WSB1: variants seen among roughly 807,000 people sequenced by gnomAD.
WSB1 encodes WD repeat and SOCS box-containing protein 1.
WSB1 carries 23 observed loss-of-function variants against 50.2 expected under a neutral mutation model. The ratio of observed to expected loss-of-function variants is 0.46; its 90% CI spans 0.33 to 0.65. WSB1 has a LOEUF of 0.65. Ranked by LOEUF, WSB1 falls within the 30% of genes least tolerant of loss-of-function variation. The pLI is 0.02. For missense variants in WSB1, 492 were observed against 522.3 expected (o/e 0.94, Z 0.56); for synonymous variants, 179 against 172.0 (o/e 1.04, Z -0.32).
chr17:27,298,025 G>A (rs2017057378), intron 1 of WSB1, among the ~76,000 whole-genome samples: 1 of 151,122 alleles, frequency 6.6e-6, no homozygotes, highest in South Asian at 2.1e-4. Flanking sequence ...TCGGGAGGCT[G>A]AGGCAGGGAG....
At chr17:27,307,449 G>A in intron 5 of WSB1, 1 of 444,736 alleles carries the variant, frequency 2.2e-6, no homozygotes, top group Non-Finnish European at 4.0e-6. Context: ...TTGTTTACCA[G>A]CTCTGTTAGT....
Position 27,294,206 on chromosome 17 carries a change from T to C in WSB1, c.-190T>C. On this transcript the variant is annotated 5_prime_UTR_variant, in exon 1 of 9. Transcript: ENST00000262394. ...GGTCTATTGTCTGTGGTTGACTCCG[T>C]ACTTTGGTCTGAGGCCTTCGGGAGC... 4.8e-6 allele frequency: 3 copies of C among 628,188 alleles called. No homozygotes were observed. Among genetic ancestry groups the C allele is most frequent in the Non-Finnish European group, 5.4e-6 (2 of 368,396 alleles). 38.9% of individuals were successfully genotyped at this position (628,188 alleles called of 1,614,324 possible). A position where few individuals can be genotyped will look rare whatever the true frequency, so the allele number is the denominator to read the frequency against.
At position 27,302,144 on chromosome 17, in the gene WSB1, C is replaced by G. The variant is rs1370603886; in HGVS notation, c.209+188C>G. The G allele has an allele frequency of 5.6e-6, 4 of 710,564 alleles. No individual in the cohort carries two copies. In the Admixed American group the frequency reaches 1.6e-4, roughly 28 times the overall value. The allele number at this position is 710,564 out of a possible 1,614,324, so 44.0% of individuals were successfully genotyped here. ...GAATTCTTTGGGCCGGGCGCGGCGG[C>G]TCAGGCCTATAATCCCAGCACTTTG... On this transcript the variant is annotated intron_variant, in intron 2 of 8. Transcript: ENST00000262394.
chr17:27,306,373 C>T (rs1490102377), intron 4 of WSB1, among the ~76,000 whole-genome samples: 1 of 151,864 alleles, frequency 6.6e-6, no homozygotes, highest in Admixed American at 6.6e-5. Context: ...CCACCATGCC[C>T]GGCTGATTTT....
chr17:27,305,731 C>T (rs992799161), intron 4 of WSB1, among the ~76,000 whole-genome samples: 1 of 152,208 alleles, frequency 6.6e-6, no homozygotes, highest in African/African-American at 2.4e-5. Context: ...TCTATGCTAA[C>T]ATTAACAAAT....
At chr17:27,305,234 G>A (rs1009054029) in intron 4 of WSB1, among the ~76,000 whole-genome samples, 5 of 152,198 alleles carry the variant, frequency 3.3e-5, no homozygotes, top group East Asian at 3.8e-4. Flanking sequence ...TGTCCTCTTA[G>A]GGAGGGTTAT....
In WSB1 at chr17:27,311,025, A is replaced by AT. The variant is rs2017659189; in HGVS notation, c.999-478dup. 2.0e-5 allele frequency among the ~76,000 whole-genome samples: 3 copies of AT among 151,890 alleles called. No individual in the cohort carries two copies. In the South Asian group the frequency reaches 6.3e-4, roughly 32 times the overall value. ...CACACCTGGCTAGTTTTTTTAAAAA[A>AT]TTTTTTGTAGAGACAGGGTCTCCCT... On this transcript the variant is annotated intron_variant, in intron 7 of 8. Coordinates refer to ENST00000262394, the MANE Select transcript of WSB1 (RefSeq NM_015626.10).
In WSB1 at chr17:27,313,656, A is replaced by G. The variant is rs2017776648; in HGVS notation, c.*1287A>G. ...ACAGTATATTGCAAATGTTTCTTAA[A>G]TAGGTTAGGTGGAGTACTTTCTCTC... is the stretch of plus-strand genomic sequence containing the variant. On this transcript the variant is annotated 3_prime_UTR_variant, in exon 9 of 9. Coordinates refer to ENST00000262394, the MANE Select transcript of WSB1 (RefSeq NM_015626.10). 6.6e-6 allele frequency: 1 copy of G among 152,368 alleles called. No homozygotes were observed. The highest frequency in any genetic ancestry group is 2.4e-5 in the African/African-American group (1 of 41,410). 9.4% of individuals were successfully genotyped at this position (152,368 alleles called of 1,614,324 possible). A position where few individuals can be genotyped will look rare whatever the true frequency, so the allele number is the denominator to read the frequency against.
At chr17:27,310,327 A>G (rs182259876) in intron 7 of WSB1, among the ~76,000 whole-genome samples, 153 bp downstream of exon 7, 4 of 152,330 alleles carry the variant, frequency 2.6e-5, no homozygotes, top group East Asian at 3.9e-4. Context: ...GGCCTGAACA[A>G]TTATCTGTGT....
At chr17:27,310,908 C>G (rs2017653535) in intron 7 of WSB1, among the ~76,000 whole-genome samples, 1 of 152,054 alleles carries the variant, frequency 6.6e-6, no homozygotes, top group Admixed American at 6.5e-5. Context: ...TGCAGTGGTG[C>G]AATCACATCT....
chr17:27,294,122 G>GT lies in WSB1; in HGVS notation c.-271dup, dbSNP rs1201908055. 6 of 292,068 alleles carry GT rather than the reference G, an allele frequency of 2.1e-5. No homozygotes were observed. The highest frequency in any genetic ancestry group is 3.8e-5 in the Non-Finnish European group (6 of 156,708). 18.1% of individuals were successfully genotyped at this position (292,068 alleles called of 1,614,324 possible). A position where few individuals can be genotyped will look rare whatever the true frequency, so the allele number is the denominator to read the frequency against. On this transcript the variant is annotated 5_prime_UTR_variant, in exon 1 of 9. Coordinates refer to ENST00000262394, the MANE Select transcript of WSB1 (RefSeq NM_015626.10). ...CCCGCCATTTTGACTCCAGTGTCTC[G>GT]TTTGCAGTCGGCGCTTTAGGGGAAC... is the stretch of plus-strand genomic sequence containing the variant.
chr17:27,303,593 G>A lies in WSB1; in HGVS notation c.436G>A (p.Gly146Arg), dbSNP rs2017325516. ...FGQDQLLLATGLNNGRIKIWD... is the reference protein window; with the variant it reads ...FGQDQLLLATRLNNGRIKIWD... ...ACAAGATCAGCTACTTCTTGCTACAGGGTTGAACAATGGGCGTATCAAAAT... is the reference window on the plus strand; with the variant it reads ...ACAAGATCAGCTACTTCTTGCTACAAGGTTGAACAATGGGCGTATCAAAAT... The change falls in exon 3 of 9, where the codon GGG (glycine) becomes AGG (arginine). Residue 146 changes from glycine to arginine, a missense_variant. Coordinates refer to ENST00000262394, the MANE Select transcript of WSB1 (RefSeq NM_015626.10). 6.2e-7 allele frequency: 1 copy of A among 1,614,026 alleles called. No individual in the cohort carries two copies. Among genetic ancestry groups the A allele is most frequent in the Non-Finnish European group, 8.5e-7 (1 of 1,180,016 alleles).
chr17:27,306,701 C>T (rs2017475015), intron 4 of WSB1, 81 bp from the exon 5 acceptor site: 1 of 1,365,914 alleles, frequency 7.3e-7, no homozygotes, highest in Admixed American at 2.0e-5. Flanking sequence ...TGTTTGTGAT[C>T]CTTTGCTTTA....
At chr17:27,294,945 C>T (rs1252164591) in intron 1 of WSB1, among the ~76,000 whole-genome samples, 3 of 152,182 alleles carry the variant, frequency 2.0e-5, no homozygotes, top group Non-Finnish European at 2.9e-5. Context: ...TTAAGAAACG[C>T]AGCGGTTCGG....
rs950604074 is a variant in WSB1 at position 27,294,227 on chromosome 17, G to C, written c.-169G>C. ...TCCGTACTTTGGTCTGAGGCCTTCGGGAGCTTTCCCGAGGCAGTTAGCAGA... is the reference window on the plus strand; with the variant it reads ...TCCGTACTTTGGTCTGAGGCCTTCGCGAGCTTTCCCGAGGCAGTTAGCAGA... On this transcript the variant is annotated 5_prime_UTR_variant, in exon 1 of 9. Transcript: ENST00000262394. The C allele has an allele frequency of 3.3e-5, 28 of 840,750 alleles. No individual in the cohort carries two copies. In the Middle Eastern group the frequency reaches 1.9e-3, roughly 58 times the overall value. The allele number at this position is 840,750 out of a possible 1,614,324, so 52.1% of individuals were successfully genotyped here.
intron 6 of WSB1, among the ~76,000 whole-genome samples, chr17:27,309,667 C>T (rs2017592501): frequency 6.6e-6 from 1 of 151,904 alleles, no homozygotes. Context: ...ACTGCAACCT[C>T]CACCTCCTGG....
Position 27,303,603 on chromosome 17 carries a change from A to G in WSB1, c.446A>G (p.Asn149Ser), listed in dbSNP as rs140133774. ...CTACTTCTTGCTACAGGGTTGAACA[A>G]TGGGCGTATCAAAATATGGGATGTA... is the stretch of plus-strand genomic sequence containing the variant. ...DQLLLATGLN[N>S]GRIKIWDVYT... is the part of the protein sequence containing the mutation. Residue 149 changes from asparagine (N) to serine (S), a missense_variant, in exon 3 of 9, where the codon AAT becomes AGT. By Grantham distance (46) the Asn-to-Ser change is conservative. Transcript: ENST00000262394. 4.3e-4 allele frequency: 686 copies of G among 1,614,066 alleles called. No homozygotes were observed. Among genetic ancestry groups the G allele is most frequent in the Non-Finnish European group, 5.5e-4 (653 of 1,180,018 alleles).
At chr17:27,306,658 C>T in intron 4 of WSB1, 124 bp from the exon 5 acceptor site, 1 of 875,632 alleles carries the variant, frequency 1.1e-6, no homozygotes. Flanking sequence ...TATCGGTAAC[C>T]CTTGTTATAG....
At chr17:27,307,118 T>G (rs2017495284) in intron 5 of WSB1, 2 of 471,426 alleles carry the variant, frequency 4.2e-6, no homozygotes, top group Middle Eastern at 5.8e-4. Flanking sequence ...TATCAGGGTT[T>G]TTTTTTTTTG....
Sources: gnomAD v4.1 joint callset for allele counts (sites outside exome capture counted in the v4.1 genomes callset) on GRCh38, gnomAD v4.1.1 for gene constraint, MANE v1.5 for transcripts, NCBI Gene and HGNC (gene_info 2026-07-23, HGNC 2026-07-21) for gene names.